The following CAMTA1 variants were observed in gnomAD, a reference collection of about 807,000 sequenced individuals.
CAMTA1 encodes the protein calmodulin-binding transcription activator 1.
CAMTA1 carries 27 observed loss-of-function variants against 170.9 expected under a neutral mutation model. That is an observed-to-expected ratio of 0.16 (90% CI 0.12 to 0.22). CAMTA1 has a LOEUF of 0.22. CAMTA1 is among the 10% of genes least tolerant of loss of function. The pLI, the probability that CAMTA1 is intolerant of heterozygous loss-of-function variation, is 1.00. For missense variants in CAMTA1, 1,619 were observed against 2,217.2 expected, an observed-to-expected ratio of 0.73 and a Z score of 5.42; for synonymous variants, 833 against 891.5, an observed-to-expected ratio of 0.93 and a Z score of 1.17.
chr1:6,950,925 T>C (rs1688379396), intron 3 of CAMTA1, among the ~76,000 whole-genome samples: 1 of 152,224 alleles, frequency 6.6e-6, no homozygotes, highest in African/African-American at 2.4e-5. Context: ...TTCTGAGGCC[T>C]GAGCTGGGCT....
chr1:7,184,363 A>G (rs899452398), intron 4 of CAMTA1, among the ~76,000 whole-genome samples: 7 of 152,216 alleles, frequency 4.6e-5, no homozygotes, highest in African/African-American at 1.7e-4. Context: ...AGAATTAACT[A>G]AAAGAGTATA....
chr1:7,389,431 C>G (rs1483909471), intron 5 of CAMTA1: 2 of 152,506 alleles, frequency 1.3e-5, no homozygotes, highest in East Asian at 3.9e-4. Flanking sequence ...ACCCTGTCCC[C>G]TGGCCGGCCT....
At chr1:6,795,869 C>G (rs952136754) in intron 1 of CAMTA1, among the ~76,000 whole-genome samples, 3 of 152,068 alleles carry the variant, frequency 2.0e-5, no homozygotes, top group Non-Finnish European at 2.9e-5. Flanking sequence ...TACCATTAGT[C>G]AGCCCATAAA....
At chr1:7,751,590 C>G (rs2096897753) in intron 20 of CAMTA1, among the ~76,000 whole-genome samples, 198 bp downstream of exon 20, 1 of 152,136 alleles carries the variant, frequency 6.6e-6, no homozygotes, top group African/African-American at 2.4e-5. Context: ...TTAGCTCTTT[C>G]TCTCCACCTC....
intron 1 of CAMTA1, among the ~76,000 whole-genome samples, chr1:6,806,045 G>A (rs1348558452): frequency 1.3e-5 from 2 of 152,126 alleles, no homozygotes; most frequent in Non-Finnish European, 2.9e-5. Context: ...TGTACACAGT[G>A]TGAGGTAGGC....
chr1:7,237,358 G>C (rs945319941), intron 4 of CAMTA1, among the ~76,000 whole-genome samples: 5 of 152,148 alleles, frequency 3.3e-5, no homozygotes, highest in African/African-American at 1.2e-4. Flanking sequence ...AAGATCCACC[G>C]CAAGTCCACG....
At chr1:7,542,933 C>T (rs994322378) in intron 6 of CAMTA1, among the ~76,000 whole-genome samples, 4 of 151,092 alleles carry the variant, frequency 2.6e-5, no homozygotes, top group Non-Finnish European at 5.9e-5. Context: ...GGCGCGATCT[C>T]GGCTCACTGC....
chr1:7,413,824 T>C lies in CAMTA1; in HGVS notation c.439-54006T>C, dbSNP rs146924990. 6.1e-3 allele frequency among the ~76,000 whole-genome samples: 923 copies of C among 152,330 alleles called. 5 individuals are homozygous for C. Among genetic ancestry groups the C allele is most frequent in the East Asian group, 0.039 (200 of 5,188 alleles). ...TAGGAGTGGTGAGAGAGGGCATCCCTGTCTTGTGCCAGTTTTCAAAGGGAA... is the reference window on the plus strand; with the variant it reads ...TAGGAGTGGTGAGAGAGGGCATCCCCGTCTTGTGCCAGTTTTCAAAGGGAA... On this transcript the variant is annotated intron_variant, in intron 5 of 22. Transcript: ENST00000303635.
intron 3 of CAMTA1, among the ~76,000 whole-genome samples, chr1:6,847,450 T>C (rs1473231801): frequency 6.6e-6 from 1 of 151,996 alleles, no homozygotes; most frequent in Admixed American, 6.6e-5. Flanking sequence ...CTATGGCTAG[T>C]TTAGGGTTTA....
chr1:7,442,881 T>G (rs566818285), intron 5 of CAMTA1, among the ~76,000 whole-genome samples: 33 of 152,288 alleles, frequency 2.2e-4, no homozygotes, highest in Middle Eastern at 3.4e-3. Flanking sequence ...CCCCCAGAGC[T>G]GGTGTTCTTA....
chr1:7,427,908 A>G (rs1575263935), intron 5 of CAMTA1, among the ~76,000 whole-genome samples: 1 of 152,264 alleles, frequency 6.6e-6, no homozygotes, highest in East Asian at 1.9e-4. Context: ...CTTGCGACTC[A>G]TCCTTTCCTT....
chr1:7,658,227 C>T (rs763719802), intron 7 of CAMTA1, among the ~76,000 whole-genome samples: 26 of 152,200 alleles, frequency 1.7e-4, no homozygotes, highest in Admixed American at 5.2e-4. Flanking sequence ...GCACCTGCTC[C>T]GAGTTCCCAC....
intron 6 of CAMTA1, among the ~76,000 whole-genome samples, chr1:7,620,705 G>A (rs1329203555): frequency 6.6e-6 from 1 of 152,196 alleles, no homozygotes; most frequent in South Asian, 2.1e-4. Flanking sequence ...AAGGAGGGAG[G>A]AGAGATGGAG....
chr1:7,316,905 G>A (rs1574634415), intron 5 of CAMTA1, among the ~76,000 whole-genome samples: 1 of 152,208 alleles, frequency 6.6e-6, no homozygotes, highest in East Asian at 1.9e-4. Flanking sequence ...GTACAGCAGT[G>A]TATGGGAGAG....
chr1:7,041,365 A>G lies in CAMTA1; in HGVS notation c.235-49939A>G, dbSNP rs1345457272. 7.9e-5 allele frequency among the ~76,000 whole-genome samples: 12 copies of G among 152,334 alleles called. No individual in the cohort carries two copies. In the East Asian group the frequency reaches 1.7e-3, roughly 22 times the overall value. On this transcript the variant is annotated intron_variant, in intron 3 of 22. Transcript: ENST00000303635. This position sits in a 1 kb window ranked among gnomAD's most constrained non-coding sequence, Gnocchi z 5.1. ...ATCTATTGTCTAAGAGGGCTGGGGA[A>G]GCTCACTGTTTGAAACACACACACA...
At chr1:7,344,014 C>A (rs1271156283) in intron 5 of CAMTA1, among the ~76,000 whole-genome samples, 1 of 152,226 alleles carries the variant, frequency 6.6e-6, no homozygotes, top group Non-Finnish European at 1.5e-5. Flanking sequence ...ATCTTTGTGT[C>A]TGTCTCCTAG....
chr1:7,479,740 G>T (rs931616986), intron 6 of CAMTA1, among the ~76,000 whole-genome samples: 3 of 152,214 alleles, frequency 2.0e-5, no homozygotes, highest in Admixed American at 2.0e-4. Context: ...CCTGCCTCAT[G>T]TCTTTCTTTG....
intron 3 of CAMTA1, among the ~76,000 whole-genome samples, chr1:6,985,438 T>C (rs762652668): frequency 8.5e-5 from 13 of 152,370 alleles, no homozygotes; most frequent in Non-Finnish European, 1.0e-4. Context: ...TTTATGCACT[T>C]TTACAATGCA....
chr1:7,184,265 TA>T (rs577536345), intron 4 of CAMTA1, among the ~76,000 whole-genome samples: 3 of 152,006 alleles, frequency 2.0e-5, no homozygotes, highest in Admixed American at 1.3e-4. Context: ...TTAATGGCTA[TA>T]AAAAAATAGT....
Sources: allele counts gnomAD v4.1 joint callset (sites outside exome capture counted in the v4.1 genomes callset), GRCh38; gene constraint gnomAD v4.1.1; non-coding constraint Gnocchi (gnomAD v3.1); transcripts MANE v1.5; gene names NCBI Gene and HGNC (gene_info 2026-07-23, HGNC 2026-07-21).